CHD7: variants seen among roughly 807,000 people sequenced by gnomAD.
CHD7 encodes the protein ATP-dependent chromatin remodeler CHD7.
In CHD7, 24 loss-of-function variants were observed where a neutral mutation model predicts 307.3. The ratio of observed to expected loss-of-function variants is 0.08; its 90% CI spans 0.06 to 0.11. CHD7 has a LOEUF of 0.11. Among genes scored for constraint, CHD7 ranks in the 10% least tolerant of loss-of-function variants. The pLI is 1.00. For missense variants in CHD7, 3,106 were observed against 3,727.1 expected (o/e 0.83, Z 4.34); for synonymous variants, 1,363 against 1,349.9 (o/e 1.01, Z -0.21).
rs567517348 is a variant in CHD7, at chr8:60,867,417, A to G, written c.*1484A>G. ...ATGTGGAATTGAAACAGACCCACTTAAGCACGCACGCGCGCACGCACGGTC... is the reference window on the plus strand; with the variant it reads ...ATGTGGAATTGAAACAGACCCACTTGAGCACGCACGCGCGCACGCACGGTC... On this transcript the variant is annotated 3_prime_UTR_variant, in exon 38 of 38. Transcript: ENST00000423902. 1 of 152,378 alleles carries G rather than the reference A, an allele frequency of 6.6e-6. No individual in the cohort carries two copies. Among genetic ancestry groups the G allele is most frequent in the East Asian group, 1.9e-4 (1 of 5,184 alleles). The allele number at this position is 152,378 out of a possible 1,614,324, so 9.4% of individuals were successfully genotyped here.
At chr8:60,736,168 T>C (rs901440493) in intron 1 of CHD7, among the ~76,000 whole-genome samples, 3 of 152,140 alleles carry the variant, frequency 2.0e-5, no homozygotes, top group African/African-American at 7.2e-5. Flanking sequence ...AAGCTGGTGT[T>C]GGTGACTTGG....
chr8:60,799,989 A>T (rs1397346535), intron 4 of CHD7, among the ~76,000 whole-genome samples: 9 of 152,104 alleles, frequency 5.9e-5, no homozygotes, highest in South Asian at 2.1e-4. Flanking sequence ...AGATTAATTT[A>T]AAAAAATTCA....
At chr8:60,847,595 G>T (rs1174836819) in intron 23 of CHD7, among the ~76,000 whole-genome samples, 3 of 152,194 alleles carry the variant, frequency 2.0e-5, no homozygotes, top group Non-Finnish European at 4.4e-5. Context: ...AGAAGGCTGC[G>T]ATTCACGTAT....
At chr8:60,837,858 C>T (rs1307366147) in intron 18 of CHD7, 23 bp downstream of exon 18, 1 of 1,586,508 alleles carries the variant, frequency 6.3e-7, no homozygotes, top group African/African-American at 1.3e-5. Flanking sequence ...TTGCCCAAAC[C>T]ATTTATTTAT....
At chr8:60,787,372 G>A (rs4392940) in intron 3 of CHD7, among the ~76,000 whole-genome samples, 127,542 of 152,162 alleles carry the variant, frequency 0.84, 53,875 homozygotes, top group East Asian at 0.94. Flanking sequence ...ATTGCTGTGC[G>A]TGAATAAGAG....
intron 15 of CHD7, among the ~76,000 whole-genome samples, chr8:60,833,969 G>A (rs1804638062): frequency 6.6e-6 from 1 of 152,176 alleles, no homozygotes; most frequent in South Asian, 2.1e-4. Context: ...AATATTATTA[G>A]TACAAACTGG....
intron 6 of CHD7, among the ~76,000 whole-genome samples, chr8:60,802,825 C>A (rs1449937467): frequency 6.6e-6 from 1 of 152,172 alleles, no homozygotes. Flanking sequence ...CATGTTATTG[C>A]ACCAGCAGTA....
At chr8:60,745,853 T>C (rs1809296202) in intron 2 of CHD7, among the ~76,000 whole-genome samples, 1 of 152,106 alleles carries the variant, frequency 6.6e-6, no homozygotes, top group Non-Finnish European at 1.5e-5. Flanking sequence ...GCAGGAAAAA[T>C]AGCACCCAGC....
At chr8:60,860,468 T>A (rs951116544) in intron 34 of CHD7, among the ~76,000 whole-genome samples, 2 of 152,272 alleles carry the variant, frequency 1.3e-5, no homozygotes, top group African/African-American at 4.8e-5. Context: ...GAAGTCTCAC[T>A]CTGTTGCCTA....
At position 60,856,459 on chromosome 8, in the gene CHD7, C is replaced by CGAG. The variant is rs1563664867; in HGVS notation, c.7179_7180insGAG (p.Asn2393_Leu2394insGlu). 6.2e-7 allele frequency: 1 copy of CGAG among 1,611,256 alleles called. No individual in the cohort carries two copies. The highest frequency in any genetic ancestry group is 8.5e-7 in the Non-Finnish European group (1 of 1,178,364). ...TTTTTCAATAGGAAGATGCCCTCAA[C>CGAG]CTCTCTGTCCCTCGCCAGCGGAGGA... On this transcript the variant is annotated inframe_insertion, in exon 34 of 38. Transcript: ENST00000423902.
At chr8:60,862,438 C>T (rs754324738) in intron 36 of CHD7, 102 bp downstream of exon 36, 42 of 1,473,750 alleles carry the variant, frequency 2.8e-5, no homozygotes, top group Admixed American at 4.3e-5. Context: ...CCTGTCTGCC[C>T]GAATGCGTGT....
intron 31 of CHD7, 114 bp from the exon 32 acceptor site, chr8:60,854,249 A>T: frequency 1.2e-6 from 1 of 812,280 alleles, no homozygotes; most frequent in Non-Finnish European, 2.0e-6. Flanking sequence ...GCCATGTAGT[A>T]GGTACTCAAT....
rs376693269 is a variant in CHD7 at position 60,836,138 on chromosome 8, C to T, written c.3844C>T (p.Leu1282Phe). 2 of 1,613,450 alleles carry T rather than the reference C, an allele frequency of 1.2e-6. No individual in the cohort carries two copies. Among genetic ancestry groups the T allele is most frequent in the South Asian group, 1.1e-5 (1 of 90,886 alleles). ...THNAESPDFQ[L>F]QAMIQAAGKL... is the part of the protein sequence containing the mutation. The stretch of plus-strand genomic sequence containing the variant: ...CAATGCAGAGTCTCCAGATTTTCAG[C>T]TCCAGGCAATGATCCAGGCTGCTGG... The change falls in exon 16 of 38, where the codon CTC (leucine) becomes TTC (phenylalanine). Residue 1282 changes from leucine (L) to phenylalanine (F), a missense_variant. Transcript: ENST00000423902.
At chr8:60,753,739 C>A (rs996804899) in intron 2 of CHD7, among the ~76,000 whole-genome samples, 1 of 151,606 alleles carries the variant, frequency 6.6e-6, no homozygotes, top group South Asian at 2.1e-4. Flanking sequence ...ATCCTCCCAC[C>A]TCATCCTCCA....
chr8:60,760,539 C>T (rs1438234458), intron 2 of CHD7, among the ~76,000 whole-genome samples: 1 of 141,680 alleles, frequency 7.1e-6, no homozygotes, highest in Non-Finnish European at 1.5e-5. Context: ...AAGAAACTAC[C>T]ATCAGAGTGA....
At position 60,825,359 on chromosome 8, in the gene CHD7, T is replaced by A. The variant is rs764177479; in HGVS notation, c.3378+1343T>A. On this transcript the variant is annotated intron_variant, in intron 13 of 37. Transcript: ENST00000423902. ...TGAATTATCCTATTTAGGGTGGGATTTCCCATTTTTCTTCCTAATGAATTA... is the reference window on the plus strand; with the variant it reads ...TGAATTATCCTATTTAGGGTGGGATATCCCATTTTTCTTCCTAATGAATTA... 1.4e-4 allele frequency: 22 copies of A among 152,242 alleles called. 1 individual carries two copies. Among genetic ancestry groups the A allele is most frequent in the Admixed American group, 1.3e-3 (20 of 15,282 alleles). The allele number at this position is 152,242 out of a possible 1,614,324, so 9.4% of individuals were successfully genotyped here.
chr8:60,779,496 G>T (rs988677987), intron 2 of CHD7, among the ~76,000 whole-genome samples: 9 of 152,314 alleles, frequency 5.9e-5, no homozygotes, highest in Admixed American at 3.9e-4. Context: ...CTTTCTGAAA[G>T]TTGGGGGTAA....
In CHD7 at chr8:60,828,678, C is replaced by T. The variant is rs769233218; in HGVS notation, c.3394C>T (p.Leu1132=). The change falls in exon 14 of 38, where the codon CTG becomes TTG. Residue 1132 remains leucine, a synonymous_variant. Coordinates refer to ENST00000423902, the MANE Select transcript of CHD7 (RefSeq NM_017780.4). Reference sequence around the variant, plus strand: ...GTTACCTCAGGAACACAAAGTGCTGCTGACGGGAACCCCACTCCAGAACAC... The same window carrying T: ...GTTACCTCAGGAACACAAAGTGCTGTTGACGGGAACCCCACTCCAGAACAC... ...KMMDLEHKVL[L]TGTPLQNTVE... is the part of the protein sequence containing the mutation. The T allele has an allele frequency of 1.9e-6, 3 of 1,607,898 alleles. No individual in the cohort carries two copies. Among genetic ancestry groups the T allele is most frequent in the Non-Finnish European group, 2.5e-6 (3 of 1,177,242 alleles).
chr8:60,685,908 T>G (rs1017874380), intron 1 of CHD7, among the ~76,000 whole-genome samples: 3 of 152,198 alleles, frequency 2.0e-5, no homozygotes, highest in African/African-American at 7.2e-5. Context: ...TATTTTTGTG[T>G]TTGCCAGCTA....
Sources: allele counts gnomAD v4.1 joint callset (sites outside exome capture counted in the v4.1 genomes callset), GRCh38; gene constraint gnomAD v4.1.1; transcripts MANE v1.5; gene names NCBI Gene and HGNC (gene_info 2026-07-23, HGNC 2026-07-21).